Variants in EDA observed in about 807,000 individuals in gnomAD.
EDA encodes the protein ectodysplasin-A.
EDA carries 2 observed loss-of-function variants against 23.6 expected under a neutral mutation model. The observed-to-expected ratio is 0.08, with a 90% CI of 0.03 to 0.27. EDA has a LOEUF of 0.27. Ranked by LOEUF, EDA falls within the 10% of genes least tolerant of loss-of-function variation. The pLI is 1.00. For missense variants in EDA, 229 were observed against 324.2 expected (o/e 0.71, Z 2.26); for synonymous variants, 131 against 132.0 (o/e 0.99, Z 0.05).
At chrX:70,004,954 G>T (rs2019783707) in intron 2 of EDA, among the ~76,000 whole-genome samples, 1 of 111,491 alleles carries the variant, frequency 9.0e-6, no homozygotes, top group African/African-American at 3.3e-5. Flanking sequence ...AAGCTAGCTG[G>T]GTGTGGTGGC....
intron 1 of EDA, among the ~76,000 whole-genome samples, chrX:69,908,172 G>C (rs1281429267): frequency 9.0e-6 from 1 of 111,438 alleles, no homozygotes; most frequent in Non-Finnish European, 1.9e-5. Flanking sequence ...CCTCCAAGTT[G>C]GTTCTCTAAG....
chrX:69,673,600 C>A (rs1394736491), intron 1 of EDA, among the ~76,000 whole-genome samples: 1 of 107,338 alleles, frequency 9.3e-6, no homozygotes, highest in African/African-American at 3.4e-5. Context: ...AAAAAAAAAT[C>A]ATTTAGAAGC....
At chrX:69,853,928 G>A (rs113641412) in intron 1 of EDA, among the ~76,000 whole-genome samples, 2,029 of 111,554 alleles carry the variant, frequency 0.018, 31 homozygotes, top group Middle Eastern at 0.033. Flanking sequence ...GGGTCACACC[G>A]AAACACACTG....
At position 69,766,282 on chromosome X, in the gene EDA, A is replaced by AT. The variant is rs779672348; in HGVS notation, c.396+149587dup. On this transcript the variant is annotated intron_variant, in intron 1 of 7. Transcript: ENST00000374552. Reference sequence around the variant, plus strand: ...TTTTTGTAGGGGGGAAGTATCTGGCATTTTTTTTTAACTTCTATTTTAGGT... The same window carrying AT: ...TTTTTGTAGGGGGGAAGTATCTGGCATTTTTTTTTTAACTTCTATTTTAGGT... Among the ~76,000 whole-genome samples the AT allele has an allele frequency of 6.7e-4, 73 of 108,699 alleles. 1 individual carries two copies. Among genetic ancestry groups the AT allele is most frequent in the East Asian group, 5.8e-4 (2 of 3,461 alleles). The allele number at this position is 108,699 out of a possible 115,157, so 94.4% of individuals were successfully genotyped here.
intron 7 of EDA, 80 bp downstream of exon 7, chrX:70,033,608 C>A: frequency 9.0e-7 from 1 of 1,115,314 alleles, no homozygotes; most frequent in Admixed American, 2.3e-5. Flanking sequence ...ACTGTGGAGC[C>A]AGCCAAGACC....
At chrX:69,780,640 A>AT (rs1383080488) in intron 1 of EDA, among the ~76,000 whole-genome samples, 7 of 110,810 alleles carry the variant, frequency 6.3e-5, no homozygotes, top group African/African-American at 2.0e-4. Flanking sequence ...ATGGGGACAG[A>AT]TTTTTGCCTT....
intron 1 of EDA, among the ~76,000 whole-genome samples, chrX:69,917,925 A>G (rs771010244): frequency 4.5e-5 from 5 of 110,863 alleles, no homozygotes; most frequent in African/African-American, 6.6e-5. Flanking sequence ...CAAGTTCTGT[A>G]CAATGTAGAT....
chrX:70,029,679 C>G (rs2020171884), intron 5 of EDA, 141 bp downstream of exon 5: 1 of 631,008 alleles, frequency 1.6e-6, no homozygotes, highest in Non-Finnish European at 2.5e-6. Context: ...CACTCACAGC[C>G]CCCTCCCATC....
At chrX:69,878,260 G>A (rs1226810967) in intron 1 of EDA, among the ~76,000 whole-genome samples, 3 of 112,159 alleles carry the variant, frequency 2.7e-5, no homozygotes, top group Non-Finnish European at 3.8e-5. Context: ...ATGAGAAGGC[G>A]GGGTCACCCC....
rs142841074 is a variant in EDA, at chrX:69,706,058, G to A, written c.396+89354G>A. Among the ~76,000 whole-genome samples, 527 of 111,846 alleles carry A rather than the reference G, an allele frequency of 4.7e-3. 6 individuals carry two copies. Among genetic ancestry groups the A allele is most frequent in the African/African-American group, 0.017 (509 of 30,795 alleles). On this transcript the variant is annotated intron_variant, in intron 1 of 7. Coordinates refer to ENST00000374552, the MANE Select transcript of EDA (RefSeq NM_001399.5). ...CTAATAAGAGTCCTGCCTTTCTTCC[G>A]GTGCAGAGACAGAGACAGCCTTATA...
intron 1 of EDA, among the ~76,000 whole-genome samples, chrX:69,651,481 A>G (rs1348447217): frequency 1.0e-5 from 1 of 95,382 alleles, no homozygotes; most frequent in Non-Finnish European, 2.1e-5. Context: ...TAATCTATCT[A>G]CTGATGTGGG....
At chrX:70,009,567 T>C (rs2019846777) in intron 2 of EDA, among the ~76,000 whole-genome samples, 1 of 70,142 alleles carries the variant, frequency 1.4e-5, no homozygotes, top group Non-Finnish European at 3.1e-5. Context: ...TTGTTTGGGT[T>C]TTGTTTTGTT....
At chrX:69,849,492 C>G (rs1046491399) in intron 1 of EDA, among the ~76,000 whole-genome samples, 3 of 111,929 alleles carry the variant, frequency 2.7e-5, no homozygotes, top group Admixed American at 9.5e-5. Context: ...ATACTAACCT[C>G]TCTTTCTGCT....
At chrX:69,840,609 A>G (rs1480090814) in intron 1 of EDA, among the ~76,000 whole-genome samples, 2 of 71,115 alleles carry the variant, frequency 2.8e-5, no homozygotes, top group Non-Finnish European at 6.8e-5. Context: ...TGCAAAACAA[A>G]TATTTTTGTT....
chrX:69,940,746 G>T lies in EDA; in HGVS notation c.397-16281G>T, dbSNP rs777221208. On this transcript the variant is annotated intron_variant, in intron 1 of 7. Transcript: ENST00000374552. ...ATAATAATCACATCATGATAAATGA[G>T]GTATCCATTTCCTCAAACATTTATC... 2.5e-3 allele frequency among the ~76,000 whole-genome samples: 281 copies of T among 110,936 alleles called. 1 individual carries two copies. The highest frequency in any genetic ancestry group is 4.8e-3 in the Non-Finnish European group (251 of 52,723).
chrX:69,633,499 G>A (rs1932680928), intron 1 of EDA, among the ~76,000 whole-genome samples: 1 of 111,655 alleles, frequency 9.0e-6, no homozygotes, highest in Non-Finnish European at 1.9e-5. Flanking sequence ...GTATCCATTA[G>A]CAGTCATTCC....
intron 1 of EDA, among the ~76,000 whole-genome samples, chrX:69,666,807 C>T (rs368848616): frequency 2.7e-5 from 3 of 111,989 alleles, no homozygotes; most frequent in Admixed American, 9.5e-5. Context: ...GGCCTCATAA[C>T]ATGTGTTGGA....
In EDA at chrX:70,023,246, G is replaced by C. The variant is rs397516664; in HGVS notation, c.526+5G>C. The C allele has an allele frequency of 9.0e-7, 1 of 1,107,924 alleles. No individual in the cohort carries two copies. The allele number at this position is 1,107,924 out of a possible 1,213,427, so 91.3% of individuals were successfully genotyped here. A position where few individuals can be genotyped will look rare whatever the true frequency, so the allele number is the denominator to read the frequency against. Reference sequence around the variant, plus strand: ...CAGTTAAAAACAAGAAAAAGGGTAAGTTCCTGACTTTATAAAATTGCTGTC... The same window carrying C: ...CAGTTAAAAACAAGAAAAAGGGTAACTTCCTGACTTTATAAAATTGCTGTC... On this transcript the variant is annotated splice_donor_5th_base_variant and intron_variant, in intron 3 of 7. Transcript: ENST00000374552.
chrX:69,923,040 G>A (rs945145695), intron 1 of EDA, among the ~76,000 whole-genome samples: 8 of 111,514 alleles, frequency 7.2e-5, no homozygotes, highest in Non-Finnish European at 1.5e-4. Flanking sequence ...GAATATATAT[G>A]CAGCATGACT....
Sources: gnomAD v4.1 joint callset for allele counts (sites outside exome capture counted in the v4.1 genomes callset) on GRCh38, gnomAD v4.1.1 for gene constraint, MANE v1.5 for transcripts, NCBI Gene and HGNC (gene_info 2026-07-23, HGNC 2026-07-21) for gene names.